Variants in SPG11 observed in about 807,000 individuals in gnomAD.
SPG11 encodes the protein spatacsin.
SPG11 carries 222 observed loss-of-function variants against 274.0 expected under a neutral mutation model. The observed-to-expected ratio is 0.81, with a 90% confidence interval of 0.73 to 0.91. SPG11 has a LOEUF of 0.91. Among genes scored for constraint, SPG11 ranks in the 40% least tolerant of loss-of-function variants. The pLI, the probability that SPG11 is intolerant of heterozygous loss-of-function variation, is 0.00. For missense variants in SPG11, 3,114 were observed against 2,872.7 expected, an observed-to-expected ratio of 1.08 and a Z score of -1.92; for synonymous variants, 1,144 against 1,039.7, an observed-to-expected ratio of 1.10 and a Z score of -1.93.
rs1374432228 is a variant in SPG11, at chr15:44,574,901, C to T, written c.6006+1G>A. The T allele has an allele frequency of 6.2e-7, 1 of 1,613,902 alleles. No homozygotes were observed. The highest frequency in any genetic ancestry group is 8.5e-7 in the Non-Finnish European group (1 of 1,180,008). ...GAGGAGCCCCACCCCTTGGCACATA[C>T]CTTGGCAAGATCATACAGACAGAGG... On this transcript the variant is annotated splice_donor_variant, in intron 31 of 39. Coordinates refer to ENST00000261866, the MANE Select transcript of SPG11 (RefSeq NM_025137.4). LOFTEE classifies it high-confidence loss of function.
At chr15:44,617,736 C>T (rs2083625645) in intron 15 of SPG11, among the ~76,000 whole-genome samples, 1 of 152,100 alleles carries the variant, frequency 6.6e-6, no homozygotes, top group South Asian at 2.1e-4. Context: ...AGTTCAGTGG[C>T]TTGATCTTGG....
At chr15:44,584,647 T>A (rs2140947866) in intron 29 of SPG11, 89 bp from the exon 30 acceptor site, 1 of 1,473,388 alleles carries the variant, frequency 6.8e-7, no homozygotes, top group Non-Finnish European at 9.3e-7. Context: ...CATACTTGTT[T>A]GGACAGGGTC....
At chr15:44,564,738 T>C (rs1025613247) in intron 38 of SPG11, 40 bp from the exon 39 acceptor site, 2 of 1,611,998 alleles carry the variant, frequency 1.2e-6, no homozygotes, top group Non-Finnish European at 1.7e-6. Flanking sequence ...TCAGAGCCCA[T>C]CTGATGTAAA....
At chr15:44,650,113 G>A (rs2084723216) in intron 6 of SPG11, among the ~76,000 whole-genome samples, 1 of 152,122 alleles carries the variant, frequency 6.6e-6, no homozygotes, top group Admixed American at 6.5e-5. Flanking sequence ...CAATACCTTT[G>A]CAGAAGATGA....
chr15:44,579,526 CAA>C (rs954664107), intron 30 of SPG11, among the ~76,000 whole-genome samples: 5 of 51,844 alleles, frequency 9.6e-5, no homozygotes, highest in East Asian at 5.7e-4. Flanking sequence ...GACTCCGTCT[CAA>C]AAAAAAAAAA....
At chr15:44,584,693 G>C in intron 29 of SPG11, 135 bp from the exon 30 acceptor site, 2 of 1,058,222 alleles carry the variant, frequency 1.9e-6, no homozygotes, top group South Asian at 2.7e-5. Context: ...CAGTGGTGGC[G>C]ATCACAGCAC....
chr15:44,636,939 A>AAC (rs1567180481), intron 7 of SPG11, among the ~76,000 whole-genome samples: 3 of 99,298 alleles, frequency 3.0e-5, no homozygotes, highest in South Asian at 3.4e-4. Flanking sequence ...AAAAAAAAAA[A>AAC]AAAAAAAAAA....
chr15:44,630,678 C>G (rs1203631150), intron 8 of SPG11, among the ~76,000 whole-genome samples: 2 of 152,166 alleles, frequency 1.3e-5, no homozygotes, highest in African/African-American at 4.8e-5. Flanking sequence ...CTCCTCCCTT[C>G]AAGCGATTCT....
At chr15:44,645,220 A>T (rs187547273) in intron 7 of SPG11, among the ~76,000 whole-genome samples, 32 of 152,264 alleles carry the variant, frequency 2.1e-4, no homozygotes, top group Admixed American at 2.0e-3. Flanking sequence ...TTCAAACTAT[A>T]CTACAAGGCT....
intron 7 of SPG11, among the ~76,000 whole-genome samples, chr15:44,636,523 G>A (rs892972255): frequency 2.6e-5 from 4 of 151,906 alleles, no homozygotes; most frequent in East Asian, 1.9e-4. Flanking sequence ...TTAGCCGGGC[G>A]TGGTGGCGGG....
intron 21 of SPG11, 25 bp downstream of exon 21, chr15:44,600,442 A>G: frequency 6.2e-7 from 1 of 1,613,638 alleles, no homozygotes; most frequent in Non-Finnish European, 8.5e-7. Flanking sequence ...CTGTACCCAG[A>G]CAAAATTATA....
At position 44,626,480 on chromosome 15, in the gene SPG11, T is replaced by C. The variant is rs1426050417; in HGVS notation, c.2095A>G (p.Asn699Asp). Residue 699 changes from asparagine (N) to aspartate (D), a missense_variant, in exon 11 of 40, where the codon AAC becomes GAC. Coordinates refer to ENST00000261866, the MANE Select transcript of SPG11 (RefSeq NM_025137.4). ...AAAGTCTGTGCCTCTGGTATTTTGT[T>C]GTTTAAAATGGCGCTGGCAATAACT... ...EEVIASAILN[N>D]KIPEAQTFFR... The C allele has an allele frequency of 1.9e-6, 3 of 1,613,942 alleles. No individual in the cohort carries two copies. In the South Asian group the frequency reaches 3.3e-5, roughly 18 times the overall value.
At chr15:44,602,469 C>A (rs919400579) in intron 20 of SPG11, among the ~76,000 whole-genome samples, 6 of 151,382 alleles carry the variant, frequency 4.0e-5, no homozygotes, top group Admixed American at 4.0e-4. Flanking sequence ...TTGATATGAT[C>A]ATATGGTTTT....
intron 30 of SPG11, among the ~76,000 whole-genome samples, chr15:44,577,925 G>C (rs1392241464): frequency 6.6e-6 from 1 of 151,722 alleles, no homozygotes; most frequent in East Asian, 1.9e-4. Flanking sequence ...GTTCTTCCTT[G>C]TCCTGGCTCC....
rs1381586621 is a variant in SPG11 at position 44,613,964 on chromosome 15, A to G, written c.3039-428T>C. 3.9e-5 allele frequency among the ~76,000 whole-genome samples: 6 copies of G among 152,136 alleles called. No individual in the cohort carries two copies. The South Asian group carries it at 8.3e-4, about 21-fold the overall frequency. ...GAGGCGGAGGTGGGGGAATTGCTTG[A>G]GCCTAGGAGTTCGAGGCTGCAATGA... On this transcript the variant is annotated intron_variant, in intron 16 of 39. Transcript: ENST00000261866.
At chr15:44,611,907 G>GCCAT (rs2083468826) in intron 17 of SPG11, among the ~76,000 whole-genome samples, 1 of 136,770 alleles carries the variant, frequency 7.3e-6, no homozygotes, top group South Asian at 2.4e-4. Context: ...CCCAGTTTAT[G>GCCAT]CCATTCTCCT....
chr15:44,586,989 G>A (rs890077075), intron 28 of SPG11, among the ~76,000 whole-genome samples: 1 of 152,136 alleles, frequency 6.6e-6, no homozygotes, highest in African/African-American at 2.4e-5. Flanking sequence ...CTTAACCCAG[G>A]GAGACCTAAC....
intron 30 of SPG11, chr15:44,575,270 G>A: frequency 3.7e-6 from 2 of 535,240 alleles, no homozygotes; most frequent in South Asian, 2.1e-5. Flanking sequence ...CAAAGATCAA[G>A]GCCACCTAAT....
At chr15:44,600,409 G>A in intron 21 of SPG11, 58 bp downstream of exon 21, 2 of 1,578,508 alleles carry the variant, frequency 1.3e-6, no homozygotes, top group Non-Finnish European at 1.7e-6. Flanking sequence ...TTCCCAAAGT[G>A]CTGGGATTAC....
Sources: gnomAD v4.1 joint callset for allele counts (sites outside exome capture counted in the v4.1 genomes callset) on GRCh38, gnomAD v4.1.1 for gene constraint, MANE v1.5 for transcripts, NCBI Gene and HGNC (gene_info 2026-07-23, HGNC 2026-07-21) for gene names.